Variants in ZGPAT observed in about 807,000 individuals in gnomAD.
ZGPAT encodes the protein zinc finger CCCH-type with G patch domain-containing protein.
A neutral mutation model predicts 47.9 loss-of-function variants in ZGPAT; 39 were observed. The ratio of observed to expected loss-of-function variants is 0.81; its 90% CI spans 0.63 to 1.06. ZGPAT has a LOEUF of 1.06. Ranked by LOEUF, ZGPAT falls within the 50% of genes least tolerant of loss-of-function variation. The pLI is 0.00. For synonymous variants in ZGPAT, 348 were observed against 292.9 expected (o/e 1.19, Z -1.92); for missense variants, 717 against 681.4 (o/e 1.05, Z -0.58).
At position 63,709,123 on chromosome 20, in the gene ZGPAT, G is replaced by A; in HGVS notation, c.543G>A (p.Pro181=). 3 of 1,612,704 alleles carry A rather than the reference G, an allele frequency of 1.9e-6. No individual in the cohort carries two copies. The highest frequency in any genetic ancestry group is 2.5e-6 in the Non-Finnish European group (3 of 1,180,026). Residue 181 remains proline, a synonymous_variant, in exon 2 of 7, where the codon CCG becomes CCA. Transcript: ENST00000355969. The part of the protein sequence containing the change: ...YPTHKSLKPC[P]FFLEGKCRFK... ...CTCACAAGTCTCTGAAGCCGTGCCC[G>A]TTCTTCCTGGAGGGAAAGTGCCGCT...
intron 2 of ZGPAT, among the ~76,000 whole-genome samples, chr20:63,724,833 C>T (rs1434129435): frequency 6.6e-6 from 1 of 151,900 alleles, no homozygotes; most frequent in South Asian, 2.1e-4. Flanking sequence ...GCCACCACCC[C>T]CAGCCAATTT....
At chr20:63,708,441 C>T (rs1049257935) in intron 1 of ZGPAT, 112 bp from the exon 2 acceptor site, 4 of 748,132 alleles carry the variant, frequency 5.3e-6, no homozygotes, top group Middle Eastern at 4.0e-4. Context: ...GGAGCTGTGC[C>T]TCTGAGCCGG....
intron 4 of ZGPAT, chr20:63,734,388 C>G: frequency 4.6e-6 from 2 of 437,634 alleles, no homozygotes; most frequent in South Asian, 7.7e-5. Context: ...GAGGCGCTCA[C>G]AGCCTCGCGA....
At chr20:63,732,539 G>A (rs942055139) in intron 2 of ZGPAT, among the ~76,000 whole-genome samples, 3 of 152,104 alleles carry the variant, frequency 2.0e-5, no homozygotes, top group Non-Finnish European at 4.4e-5. Flanking sequence ...TGGCGTGTGC[G>A]TATATCCATG....
At chr20:63,733,497 T>C in intron 3 of ZGPAT, 90 bp from the exon 4 acceptor site, 1 of 1,608,990 alleles carries the variant, frequency 6.2e-7, no homozygotes, top group Non-Finnish European at 8.5e-7. Flanking sequence ...CCTCAGCCTC[T>C]GCCCTGCCTT....
chr20:63,722,600 A>G (rs1321410255), intron 2 of ZGPAT, among the ~76,000 whole-genome samples: 3 of 152,112 alleles, frequency 2.0e-5, no homozygotes, highest in East Asian at 1.9e-4. Flanking sequence ...ACTTACCACA[A>G]TGTACTTCAG....
intron 2 of ZGPAT, among the ~76,000 whole-genome samples, chr20:63,723,063 ACGTCCTCCCTTCTCCTC>A: frequency 1.3e-5 from 2 of 151,236 alleles, no homozygotes; most frequent in African/African-American, 4.9e-5. Flanking sequence ...TCCTCCTATG[ACGTCCTCCCTTCTCCTC>A]TGGCATAGCT....
intron 2 of ZGPAT, among the ~76,000 whole-genome samples, chr20:63,717,959 C>G (rs1309865134): frequency 6.6e-6 from 1 of 152,090 alleles, no homozygotes; most frequent in Non-Finnish European, 1.5e-5. Context: ...AGGAGAATCG[C>G]TTGAACCTGG....
intron 2 of ZGPAT, among the ~76,000 whole-genome samples, chr20:63,712,857 C>T (rs1225230353): frequency 1.3e-5 from 2 of 152,188 alleles, no homozygotes; most frequent in African/African-American, 4.8e-5. Flanking sequence ...GATCATGCCA[C>T]TGCACTCCAG....
At chr20:63,729,902 T>G (rs1270895154) in intron 2 of ZGPAT, among the ~76,000 whole-genome samples, 1 of 151,906 alleles carries the variant, frequency 6.6e-6, no homozygotes, top group Non-Finnish European at 1.5e-5. Flanking sequence ...ACTCCCATAG[T>G]CCCAGCCACT....
intron 2 of ZGPAT, among the ~76,000 whole-genome samples, chr20:63,727,935 T>G (rs750315098): frequency 6.6e-6 from 1 of 152,128 alleles, no homozygotes; most frequent in Non-Finnish European, 1.5e-5. Flanking sequence ...TTTTCCTGAG[T>G]CTTGTGTTCT....
chr20:63,715,137 G>T (rs2145647365), intron 2 of ZGPAT, among the ~76,000 whole-genome samples: 1 of 152,000 alleles, frequency 6.6e-6, no homozygotes, highest in South Asian at 2.1e-4. Flanking sequence ...TCACTCTGTT[G>T]CCCAAGCTGG....
At chr20:63,722,398 T>C (rs1176491198) in intron 2 of ZGPAT, among the ~76,000 whole-genome samples, 1 of 152,196 alleles carries the variant, frequency 6.6e-6, no homozygotes, top group East Asian at 1.9e-4. Context: ...GTGACAGTTT[T>C]GACAGCTGAA....
intron 2 of ZGPAT, among the ~76,000 whole-genome samples, chr20:63,718,567 C>G (rs1023361693): frequency 6.6e-6 from 1 of 151,814 alleles, no homozygotes; most frequent in Non-Finnish European, 1.5e-5. Flanking sequence ...GTGATCTGCC[C>G]GCCTTGGCCT....
chr20:63,731,382 A>G (rs2091899960), intron 2 of ZGPAT, among the ~76,000 whole-genome samples: 1 of 148,938 alleles, frequency 6.7e-6, no homozygotes, highest in Admixed American at 6.7e-5. Context: ...ATACGTGTGT[A>G]AAGTGTACAG....
Position 63,735,849 on chromosome 20 carries a change from G to A in ZGPAT, c.1466G>A (p.Arg489Gln), listed in dbSNP as rs369758532. The A allele has an allele frequency of 9.0e-5, 145 of 1,612,628 alleles. No homozygotes were observed. The highest frequency in any genetic ancestry group is 1.1e-4 in the Non-Finnish European group (134 of 1,179,870). The change falls in exon 7 of 7, where the codon CGG becomes CAG. Residue 489 changes from arginine (R) to glutamine (Q), a missense_variant. Coordinates refer to ENST00000355969, the MANE Select transcript of ZGPAT (RefSeq NM_181485.3). ...AGAQRQLGQL[R>Q]AQEAGLQQEQ... ...GCCCAGCGCCAGCTGGGGCAGCTCC[G>A]GGCTCAGGAAGCCGGCCTGCAGCAG...
intron 2 of ZGPAT, among the ~76,000 whole-genome samples, chr20:63,730,864 G>A (rs1342810015): frequency 6.6e-6 from 1 of 151,226 alleles, no homozygotes; most frequent in African/African-American, 2.4e-5. Flanking sequence ...GGTTTTTCAT[G>A]TCTTTATTTG....
intron 2 of ZGPAT, among the ~76,000 whole-genome samples, chr20:63,721,355 T>TTAA (rs1350506933): frequency 3.6e-5 from 4 of 112,230 alleles, no homozygotes; most frequent in African/African-American, 1.4e-4. Flanking sequence ...CTGTCTCAAA[T>TTAA]AAAAAAAAAA....
At chr20:63,712,557 A>G (rs2091679908) in intron 2 of ZGPAT, among the ~76,000 whole-genome samples, 1 of 152,212 alleles carries the variant, frequency 6.6e-6, no homozygotes, top group South Asian at 2.1e-4. Context: ...TATGGATTGC[A>G]TAGAATGTGT....
Sources: allele counts gnomAD v4.1 joint callset (sites outside exome capture counted in the v4.1 genomes callset), GRCh38; gene constraint gnomAD v4.1.1; transcripts MANE v1.5; gene names NCBI Gene and HGNC (gene_info 2026-07-23, HGNC 2026-07-21).